The following EFCAB5 variants were observed in gnomAD, a reference collection of about 807,000 sequenced individuals.
EFCAB5 encodes the protein EF-hand calcium binding domain 5.
EFCAB5 carries 131 observed loss-of-function variants against 167.9 expected under a neutral mutation model. The observed-to-expected ratio is 0.78, with a 90% CI of 0.68 to 0.90. The LOEUF is 0.90. Among genes scored for constraint, EFCAB5 ranks in the 40% least tolerant of loss-of-function variants. The pLI is 0.00. For synonymous variants in EFCAB5, 574 were observed against 602.8 expected, an observed-to-expected ratio of 0.95 and a Z score of 0.70; for missense variants, 1,663 against 1,745.2, an observed-to-expected ratio of 0.95 and a Z score of 0.84.
At chr17:29,991,608 C>A (rs1225550331) in intron 4 of EFCAB5, among the ~76,000 whole-genome samples, 10 of 152,214 alleles carry the variant, frequency 6.6e-5, no homozygotes, top group Non-Finnish European at 2.9e-5. Flanking sequence ...CCAGGGTGGG[C>A]CAGGTTTCCT....
At chr17:30,107,226 T>C (rs1455283652) in intron 22 of EFCAB5, among the ~76,000 whole-genome samples, 1 of 152,236 alleles carries the variant, frequency 6.6e-6, no homozygotes, top group Admixed American at 6.5e-5. Context: ...GCAGTTACTA[T>C]ATAGCTTTAA....
At chr17:30,056,019 G>A (rs2070252461) in intron 11 of EFCAB5, 45 bp from the exon 12 acceptor site, 1 of 1,612,958 alleles carries the variant, frequency 6.2e-7, no homozygotes, top group Non-Finnish European at 8.5e-7. Flanking sequence ...AAAATATTGT[G>A]AAAGCGAAGT....
chr17:30,057,012 T>C (rs2070288602), intron 12 of EFCAB5, among the ~76,000 whole-genome samples: 1 of 152,194 alleles, frequency 6.6e-6, no homozygotes, highest in Admixed American at 6.5e-5. Context: ...CAAACGGAAG[T>C]CACTTTGCTG....
intron 3 of EFCAB5, among the ~76,000 whole-genome samples, chr17:29,954,388 A>C (rs1355930652): frequency 6.6e-6 from 1 of 152,154 alleles, no homozygotes; most frequent in Non-Finnish European, 1.5e-5. Context: ...GGTGCCCTGC[A>C]TCCCATCCAC....
At chr17:30,043,109 C>A (rs148878952) in intron 8 of EFCAB5, among the ~76,000 whole-genome samples, 9 of 152,044 alleles carry the variant, frequency 5.9e-5, no homozygotes, top group Non-Finnish European at 1.2e-4. Flanking sequence ...GCAAGACCAC[C>A]CCCATCTCTT....
intron 7 of EFCAB5, among the ~76,000 whole-genome samples, chr17:30,024,143 A>G (rs2069253436): frequency 6.6e-6 from 1 of 152,118 alleles, no homozygotes; most frequent in African/African-American, 2.4e-5. Flanking sequence ...GCCCTCTCTC[A>G]CCACTCCTAT....
intron 4 of EFCAB5, among the ~76,000 whole-genome samples, chr17:29,989,528 A>T (rs1795482547): frequency 6.6e-6 from 1 of 152,242 alleles, no homozygotes; most frequent in South Asian, 2.1e-4. Flanking sequence ...AATAGTAAAG[A>T]CACAGTCTTT....
chr17:30,068,532 G>T, intron 14 of EFCAB5: 1 of 654,642 alleles, frequency 1.5e-6, no homozygotes, highest in South Asian at 2.5e-5. Flanking sequence ...CATGTTCATG[G>T]ATTGGAAGAA....
chr17:30,051,565 C>T (rs904975065), intron 9 of EFCAB5, among the ~76,000 whole-genome samples: 2 of 152,030 alleles, frequency 1.3e-5, no homozygotes, highest in African/African-American at 4.8e-5. Flanking sequence ...ATTTTATTAA[C>T]AAAAAAATTT....
At chr17:30,069,452 C>T (rs1446673760) in intron 14 of EFCAB5, 6 of 1,567,100 alleles carry the variant, frequency 3.8e-6, no homozygotes, top group Non-Finnish European at 5.3e-6. Context: ...AAAGGTTTTG[C>T]AACAGGAAGC....
At chr17:30,050,363 G>A (rs1056282935) in intron 8 of EFCAB5, among the ~76,000 whole-genome samples, 7 of 152,076 alleles carry the variant, frequency 4.6e-5, no homozygotes, top group Non-Finnish European at 7.4e-5. Flanking sequence ...TCGAACTCCC[G>A]ACCTTAGGTG....
At chr17:29,947,921 G>A (rs2067435730) in intron 3 of EFCAB5, among the ~76,000 whole-genome samples, 1 of 152,166 alleles carries the variant, frequency 6.6e-6, no homozygotes, top group Admixed American at 6.5e-5. Context: ...CGCCTCCCGA[G>A]TTCAAACGAT....
At chr17:29,969,446 A>G in intron 4 of EFCAB5, 79 bp downstream of exon 4, 1 of 1,237,506 alleles carries the variant, frequency 8.1e-7, no homozygotes, top group South Asian at 1.7e-5. Flanking sequence ...ATAATCATGG[A>G]CAGGACTTAA....
chr17:29,958,257 C>G (rs762923021), intron 3 of EFCAB5, among the ~76,000 whole-genome samples: 2 of 152,172 alleles, frequency 1.3e-5, no homozygotes, highest in Non-Finnish European at 2.9e-5. Context: ...TCTCTACCTT[C>G]TCTTTAAGGT....
Position 30,051,170 on chromosome 17 carries a change from A to T in EFCAB5, c.1253A>T (p.Asp418Val), listed in dbSNP as rs2070083839. The T allele has an allele frequency of 1.9e-6, 3 of 1,613,990 alleles. No homozygotes were observed. The East Asian group carries it at 6.7e-5, about 36-fold the overall frequency. ...TTGGCCCTGCTGGAATTGTTCTATG[A>T]CCATAGTTCACAAATGCTTAGGAGT... ...RTLALLELFY[D>V]HSSQMLRSLL... The change falls in exon 9 of 23, where the codon GAC (aspartate) becomes GTC (valine). Residue 418 changes from aspartate (D) to valine (V), a missense_variant. Asp to Val is a radical substitution (Grantham distance 152, BLOSUM62 -3). Transcript: ENST00000394835.
At chr17:30,029,576 TA>T (rs1336117532) in intron 7 of EFCAB5, among the ~76,000 whole-genome samples, 1 of 151,592 alleles carries the variant, frequency 6.6e-6, no homozygotes, top group African/African-American at 2.4e-5. Flanking sequence ...TTTTTTTTTT[TA>T]AAGTTTCCTC....
chr17:29,995,980 A>T (rs902346549), intron 5 of EFCAB5, among the ~76,000 whole-genome samples: 31 of 152,194 alleles, frequency 2.0e-4, no homozygotes, highest in Non-Finnish European at 2.9e-5. Flanking sequence ...TGTTGCTCTA[A>T]TAGGGGCTCT....
chr17:30,056,978 G>A (rs1457302511), intron 12 of EFCAB5, among the ~76,000 whole-genome samples: 1 of 152,136 alleles, frequency 6.6e-6, no homozygotes, highest in African/African-American at 2.4e-5. Flanking sequence ...ATAAGGGCAT[G>A]AATGATTGAA....
chr17:30,102,030 C>T (rs1181657443), intron 22 of EFCAB5, among the ~76,000 whole-genome samples: 2 of 152,144 alleles, frequency 1.3e-5, no homozygotes, highest in African/African-American at 4.8e-5. Context: ...TATTTGACTA[C>T]CCTGGATCTA....
Sources: allele counts gnomAD v4.1 joint callset (sites outside exome capture counted in the v4.1 genomes callset), GRCh38; gene constraint gnomAD v4.1.1; transcripts MANE v1.5; gene names NCBI Gene and HGNC (gene_info 2026-07-23, HGNC 2026-07-21).